The following COPZ1 variants were observed in gnomAD, a reference collection of about 807,000 sequenced individuals.
COPZ1 encodes the protein coat protein complex I subunit zeta 1, also known as coatomer subunit zeta-1.
Under a neutral mutation model 31.7 loss-of-function variants are expected in COPZ1, and 4 were observed. The observed-to-expected ratio is 0.13, with a 90% CI of 0.06 to 0.29. The LOEUF (loss-of-function observed/expected upper bound fraction) is 0.29. COPZ1 is among the 10% of genes least tolerant of loss of function. COPZ1 has a pLI of 1.00. For synonymous variants in COPZ1, 74 were observed against 79.0 expected, an observed-to-expected ratio of 0.94 and a Z score of 0.33; for missense variants, 156 against 211.5, an observed-to-expected ratio of 0.74 and a Z score of 1.63.
intron 5 of COPZ1, among the ~76,000 whole-genome samples, chr12:54,346,846 A>AC (rs1954073088): frequency 6.6e-6 from 1 of 152,136 alleles, no homozygotes; most frequent in African/African-American, 2.4e-5. Context: ...ACATAGCAAG[A>AC]CCCTGTCTCA....
intron 1 of COPZ1, among the ~76,000 whole-genome samples, chr12:54,331,017 G>A (rs113887126): frequency 7.2e-4 from 109 of 152,194 alleles, no homozygotes; most frequent in African/African-American, 2.6e-3. Flanking sequence ...AGATTATTAG[G>A]GGGATCTCTC....
chr12:54,342,309 AC>A, intron 3 of COPZ1, 22 bp downstream of exon 3: 1 of 1,570,216 alleles, frequency 6.4e-7, no homozygotes, highest in South Asian at 1.1e-5. Context: ...TCCTTTCACT[AC>A]TACCCGTGCT....
intron 3 of COPZ1, 124 bp from the exon 4 acceptor site, chr12:54,343,101 C>T: frequency 2.6e-6 from 2 of 759,568 alleles, no homozygotes; most frequent in Admixed American, 3.9e-5. Context: ...AGGTGATCCG[C>T]CAGGCTCGGC....
At chr12:54,341,657 G>T (rs1192690870) in intron 2 of COPZ1, among the ~76,000 whole-genome samples, 3 of 152,236 alleles carry the variant, frequency 2.0e-5, no homozygotes, top group Admixed American at 6.5e-5. Flanking sequence ...GCCAGGGAGA[G>T]CCTGGGAATG....
intron 1 of COPZ1, among the ~76,000 whole-genome samples, chr12:54,329,328 G>C (rs1018510507): frequency 6.6e-6 from 1 of 151,944 alleles, no homozygotes; most frequent in Non-Finnish European, 1.5e-5. Flanking sequence ...GGCCGGGCTC[G>C]GTGGCTCACA....
At chr12:54,336,731 C>G (rs1953872733) in intron 1 of COPZ1, among the ~76,000 whole-genome samples, 1 of 149,660 alleles carries the variant, frequency 6.7e-6, no homozygotes, top group East Asian at 2.0e-4. Flanking sequence ...GCTTTAGAAG[C>G]CCCTGATTGA....
At position 54,325,136 on chromosome 12, in the gene COPZ1, T is replaced by C. The variant is rs200944206; in HGVS notation, c.-28T>C. 281 of 1,560,306 alleles carry C rather than the reference T, an allele frequency of 1.8e-4. 3 individuals carry two copies. The highest frequency in any genetic ancestry group is 1.9e-5 in the Admixed American group (1 of 52,424). On this transcript the variant is annotated 5_prime_UTR_variant, in exon 1 of 9. Coordinates refer to ENST00000262061, the MANE Select transcript of COPZ1 (RefSeq NM_016057.3). ...TCAGCGGCGGCGTTTCTTTTGCGGCTCCACGTCGGCACCAGCTGCGGGGCA... is the reference window on the plus strand; with the variant it reads ...TCAGCGGCGGCGTTTCTTTTGCGGCCCCACGTCGGCACCAGCTGCGGGGCA...
In COPZ1 at chr12:54,336,416, G is replaced by A. The variant is rs112169849; in HGVS notation, c.19-4131G>A. 1.5e-3 allele frequency among the ~76,000 whole-genome samples: 235 copies of A among 151,948 alleles called. 2 individuals are homozygous for A. Among genetic ancestry groups the A allele is most frequent in the African/African-American group, 5.0e-3 (209 of 41,446 alleles). On this transcript the variant is annotated intron_variant, in intron 1 of 8. Transcript: ENST00000262061. ...ATTAGCCGGGCATGGTGGCAGGTGC[G>A]TGTAGTCCCAGCTACTCGGGAGGCT...
rs1954141227 is a variant in COPZ1, at chr12:54,351,196, A to G, written c.*673A>G. 6.6e-6 allele frequency: 1 copy of G among 152,586 alleles called. No homozygotes were observed. 9.5% of individuals were successfully genotyped at this position (152,586 alleles called of 1,614,324 possible). A position where few individuals can be genotyped will look rare whatever the true frequency, so the allele number is the denominator to read the frequency against. ...TACCCTGATCTGGCATATAGCTTCA[A>G]AACTGCAGTGGCGAGTGTCCATCTC... On this transcript the variant is annotated 3_prime_UTR_variant, in exon 9 of 9. Transcript: ENST00000262061.
At chr12:54,342,717 A>C in intron 3 of COPZ1, 1 of 186,582 alleles carries the variant, frequency 5.4e-6, no homozygotes, top group African/African-American at 2.4e-5. Context: ...ATACATTTAG[A>C]CTCCCCCAAG....
chr12:54,330,447 A>C (rs1224312069), intron 1 of COPZ1, among the ~76,000 whole-genome samples: 2 of 152,082 alleles, frequency 1.3e-5, no homozygotes, highest in African/African-American at 4.8e-5. Flanking sequence ...CTTGTTATAG[A>C]TTTCCGACGT....
rs1409955325 is a variant in COPZ1 at position 54,347,901 on chromosome 12, C to T, written c.395+57C>T. 9 of 1,606,364 alleles carry T rather than the reference C, an allele frequency of 5.6e-6. No homozygotes were observed. In the East Asian group the frequency reaches 2.0e-4, roughly 36 times the overall value. On this transcript the variant is annotated intron_variant, in intron 6 of 8. Coordinates refer to ENST00000262061, the MANE Select transcript of COPZ1 (RefSeq NM_016057.3). ...GAGGTGGCGGGATAACTGCCCCTGTCCTAAGTCAAGCAGGCTCAGTGGCCA... is the reference window on the plus strand; with the variant it reads ...GAGGTGGCGGGATAACTGCCCCTGTTCTAAGTCAAGCAGGCTCAGTGGCCA...
chr12:54,342,312 AC>A, intron 3 of COPZ1, 25 bp downstream of exon 3: 1 of 1,554,684 alleles, frequency 6.4e-7, no homozygotes, highest in Non-Finnish European at 8.9e-7. Context: ...TTTCACTACT[AC>A]CCGTGCTGGG....
chr12:54,326,107 C>T (rs138923472), intron 1 of COPZ1, among the ~76,000 whole-genome samples: 21 of 139,668 alleles, frequency 1.5e-4, no homozygotes, highest in African/African-American at 5.1e-4. Flanking sequence ...AGGCTTGAAC[C>T]ACCGCGCCTG....
intron 8 of COPZ1, 21 bp from the exon 9 acceptor site, chr12:54,350,455 A>G (rs765370170): frequency 1.1e-5 from 17 of 1,612,744 alleles, no homozygotes; most frequent in South Asian, 9.9e-5. Flanking sequence ...GCTTTCCTCA[A>G]TGCTGCTCTT....
intron 1 of COPZ1, chr12:54,337,212 T>C: frequency 1.9e-6 from 1 of 534,624 alleles, no homozygotes; most frequent in Non-Finnish European, 3.8e-6. Context: ...CTATACATCA[T>C]TTCCAAGCAC....
At chr12:54,337,885 A>G (rs148920277) in intron 1 of COPZ1, among the ~76,000 whole-genome samples, 112 of 152,168 alleles carry the variant, frequency 7.4e-4, no homozygotes, top group African/African-American at 2.6e-3. Flanking sequence ...CAATGTTTCT[A>G]TTTTTGGGGT....
intron 1 of COPZ1, among the ~76,000 whole-genome samples, chr12:54,338,997 A>G (rs1953922130): frequency 1.3e-5 from 2 of 152,030 alleles, no homozygotes; most frequent in South Asian, 4.2e-4. Flanking sequence ...TCACTCTTGG[A>G]TATCTGTCAA....
At position 54,342,562 on chromosome 12, in the gene COPZ1, C is replaced by T. The variant is rs528897470; in HGVS notation, c.169+275C>T. 1.4e-3 allele frequency: 661 copies of T among 457,408 alleles called. 4 individuals carry two copies. The highest frequency in any genetic ancestry group is 1.9e-3 in the Non-Finnish European group (465 of 249,756). The allele number at this position is 457,408 out of a possible 1,614,324, so 28.3% of individuals were successfully genotyped here. The stretch of plus-strand genomic sequence containing the variant: ...TTAATTGCAGCTCTGCTTATTGTAC[C>T]GCATCCATTAGGGCAGGTAAATGGA... On this transcript the variant is annotated intron_variant, in intron 3 of 8. Transcript: ENST00000262061.
Sources: gnomAD v4.1 joint callset for allele counts (sites outside exome capture counted in the v4.1 genomes callset) on GRCh38, gnomAD v4.1.1 for gene constraint, MANE v1.5 for transcripts, NCBI Gene and HGNC (gene_info 2026-07-23, HGNC 2026-07-21) for gene names.